The following IBTK variants were observed in gnomAD, a reference collection of about 807,000 sequenced individuals.
IBTK encodes the protein BTK-binding protein.
Under a neutral mutation model 154.9 loss-of-function variants are expected in IBTK, and 83 were observed. The observed-to-expected ratio is 0.54, with a 90% CI of 0.45 to 0.64. The LOEUF (loss-of-function observed/expected upper bound fraction) is 0.64, where lower values mean the gene tolerates loss of function less well. Among genes scored for constraint, IBTK ranks in the 30% least tolerant of loss-of-function variants. The pLI is 0.00. For synonymous variants in IBTK, 515 were observed against 536.1 expected, an observed-to-expected ratio of 0.96 and a Z score of 0.54; for missense variants, 1,332 against 1,584.6, an observed-to-expected ratio of 0.84 and a Z score of 2.71.
intron 2 of IBTK, among the ~76,000 whole-genome samples, chr6:82,235,676 T>G (rs1440281929): frequency 6.6e-6 from 1 of 152,224 alleles, no homozygotes; most frequent in Non-Finnish European, 1.5e-5. Context: ...TACTCTATTT[T>G]AGTTTGAGGA....
At chr6:82,230,548 C>T (rs1056444283) in intron 4 of IBTK, among the ~76,000 whole-genome samples, 1 of 152,082 alleles carries the variant, frequency 6.6e-6, no homozygotes, top group Non-Finnish European at 1.5e-5. Context: ...GACATGGCAC[C>T]TAGGTTCATG....
intron 8 of IBTK, among the ~76,000 whole-genome samples, chr6:82,222,409 G>T (rs1452485951): frequency 6.6e-6 from 1 of 151,982 alleles, no homozygotes; most frequent in African/African-American, 2.4e-5. Flanking sequence ...ATTTATATTT[G>T]TACAATGACC....
At chr6:82,223,137 T>C (rs1457959646) in intron 8 of IBTK, among the ~76,000 whole-genome samples, 1 of 152,024 alleles carries the variant, frequency 6.6e-6, no homozygotes, top group African/African-American at 2.4e-5. Flanking sequence ...AATCAAGAAT[T>C]ATGATTAATC....
chr6:82,188,720 A>G (rs1213341369), intron 25 of IBTK, among the ~76,000 whole-genome samples: 1 of 152,196 alleles, frequency 6.6e-6, no homozygotes, highest in Non-Finnish European at 1.5e-5. Flanking sequence ...AAGTAGAATT[A>G]AAAGGCATAT....
At chr6:82,182,065 T>C (rs780439456) in intron 25 of IBTK, 37 bp from the exon 26 acceptor site, 163 of 1,572,166 alleles carry the variant, frequency 1.0e-4, no homozygotes, top group Non-Finnish European at 1.3e-4. Flanking sequence ...AAAACATCCA[T>C]TTTGTAAAAG....
Position 82,198,571 on chromosome 6 carries a change from CCTT to C in IBTK, c.3025+1567_3025+1569del, listed in dbSNP as rs369510100. On this transcript the variant is annotated intron_variant, in intron 21 of 28. Transcript: ENST00000306270. ...ATCTCAGTAAACATAAAAAAAAAATCCTTCTTCTTTGCCCTGCCTAACAAGCTT... is the reference window on the plus strand; with the variant it reads ...ATCTCAGTAAACATAAAAAAAAAATCCTTCTTTGCCCTGCCTAACAAGCTT... Among the ~76,000 whole-genome samples the C allele has an allele frequency of 5.9e-3, 899 of 152,064 alleles. 13 individuals are homozygous for C. Among genetic ancestry groups the C allele is most frequent in the African/African-American group, 0.021 (858 of 41,506 alleles).
At chr6:82,233,458 T>A (rs1227900692) in intron 3 of IBTK, among the ~76,000 whole-genome samples, 1 of 152,192 alleles carries the variant, frequency 6.6e-6, no homozygotes, top group Non-Finnish European at 1.5e-5. Flanking sequence ...ATCAATTACT[T>A]TACAGTAGTT....
chr6:82,225,386 A>G (rs965306486), intron 6 of IBTK, 91 bp downstream of exon 6: 2 of 859,336 alleles, frequency 2.3e-6, no homozygotes, highest in African/African-American at 1.7e-5. Flanking sequence ...CAGAAATAAA[A>G]TAAGTTGCTC....
rs753768771 is a variant in IBTK, at chr6:82,228,624, C to CT, written c.544-1323dup. ...GTTATCCAACTTTAAAAACCCCAGA[C>CT]TTTTTTTTTTTTTTTGAGACGGAGT... On this transcript the variant is annotated intron_variant, in intron 4 of 28. Transcript: ENST00000306270. Among the ~76,000 whole-genome samples, 481 of 143,014 alleles carry CT rather than the reference C, an allele frequency of 3.4e-3. 2 individuals carry two copies. The highest frequency in any genetic ancestry group is 7.2e-3 in the African/African-American group (283 of 39,288). 93.8% of individuals were successfully genotyped at this position (143,014 alleles called of 152,430 possible). A position where few individuals can be genotyped will look rare whatever the true frequency, so the allele number is the denominator to read the frequency against.
chr6:82,219,972 G>A (rs1770034010), intron 9 of IBTK, among the ~76,000 whole-genome samples: 3 of 152,198 alleles, frequency 2.0e-5, no homozygotes, highest in Non-Finnish European at 2.9e-5. Context: ...TACTTTGTGG[G>A]GCTGAGGAGG....
chr6:82,232,528 C>G (rs1205236088), intron 3 of IBTK, among the ~76,000 whole-genome samples: 2 of 152,144 alleles, frequency 1.3e-5, no homozygotes, highest in African/African-American at 2.4e-5. Flanking sequence ...ATGGAATTAT[C>G]ACTGTTAACC....
intron 9 of IBTK, among the ~76,000 whole-genome samples, chr6:82,218,440 T>C (rs908526208): frequency 3.9e-5 from 6 of 152,202 alleles, no homozygotes; most frequent in Admixed American, 2.0e-4. Context: ...TGTGCTACAA[T>C]GCTAAAGAAA....
At chr6:82,176,391 G>A (rs901460632) in intron 26 of IBTK, among the ~76,000 whole-genome samples, 2 of 151,814 alleles carry the variant, frequency 1.3e-5, no homozygotes, top group African/African-American at 2.4e-5. Context: ...CATGGTGGCA[G>A]GCGCCTGTAG....
intron 17 of IBTK, 53 bp downstream of exon 17, chr6:82,204,804 T>C (rs1769335710): frequency 8.9e-7 from 1 of 1,126,804 alleles, no homozygotes; most frequent in African/African-American, 1.6e-5. Flanking sequence ...TAAAGTACAG[T>C]AATCCTTGAT....
chr6:82,226,167 C>T (rs780138435), intron 5 of IBTK, among the ~76,000 whole-genome samples: 33 of 152,186 alleles, frequency 2.2e-4, no homozygotes, highest in South Asian at 2.1e-4. Flanking sequence ...AGTCAATAAA[C>T]GATTGCTATT....
At chr6:82,184,981 G>A (rs545667835) in intron 25 of IBTK, among the ~76,000 whole-genome samples, 5 of 151,704 alleles carry the variant, frequency 3.3e-5, no homozygotes, top group African/African-American at 7.3e-5. Flanking sequence ...TCAGGAGTTC[G>A]AAACCAGCCT....
intron 13 of IBTK, among the ~76,000 whole-genome samples, chr6:82,211,866 C>T (rs1442027108): frequency 8.5e-5 from 13 of 152,080 alleles, no homozygotes; most frequent in Non-Finnish European, 1.3e-4. Context: ...TAAGTGATAT[C>T]ATATTTAAGT....
At chr6:82,188,972 G>A in intron 25 of IBTK, 1 of 412,790 alleles carries the variant, frequency 2.4e-6, no homozygotes, top group East Asian at 8.2e-5. Context: ...GGAGGTTGCA[G>A]TGAACCAAGA....
Position 82,223,434 on chromosome 6 carries a change from A to G in IBTK, c.1124+6T>C. The G allele has an allele frequency of 6.2e-7, 1 of 1,601,378 alleles. No homozygotes were observed. The highest frequency in any genetic ancestry group is 8.5e-7 in the Non-Finnish European group (1 of 1,172,810). ...AATTACGTTTCTTTCACAGAAATACACATACTTAGAAGCCATCTTCTTGCA... is the reference window on the plus strand; with the variant it reads ...AATTACGTTTCTTTCACAGAAATACGCATACTTAGAAGCCATCTTCTTGCA... On this transcript the variant is annotated splice_donor_region_variant and intron_variant, in intron 8 of 28. Transcript: ENST00000306270.
Sources: gnomAD v4.1 joint callset for allele counts (sites outside exome capture counted in the v4.1 genomes callset) on GRCh38, gnomAD v4.1.1 for gene constraint, MANE v1.5 for transcripts, NCBI Gene and HGNC (gene_info 2026-07-23, HGNC 2026-07-21) for gene names.